The following PIK3AP1 variants were observed in gnomAD, a reference collection of about 807,000 sequenced individuals.
PIK3AP1 encodes the protein phosphoinositide-3-kinase adaptor protein 1.
Under a neutral mutation model 88.1 loss-of-function variants are expected in PIK3AP1, and 21 were observed. The observed-to-expected ratio is 0.24, with a 90% CI of 0.17 to 0.34. PIK3AP1 has a LOEUF of 0.34. Ranked by LOEUF, PIK3AP1 falls within the 10% of genes least tolerant of loss-of-function variation. The pLI, the probability that PIK3AP1 is intolerant of heterozygous loss-of-function variation, is 1.00. For synonymous variants in PIK3AP1, 398 were observed against 400.0 expected (o/e 1.00, Z 0.06); for missense variants, 828 against 1,035.7 (o/e 0.80, Z 2.75).
At chr10:96,635,625 A>G (rs1286845006) in intron 8 of PIK3AP1, among the ~76,000 whole-genome samples, 1 of 152,152 alleles carries the variant, frequency 6.6e-6, no homozygotes, top group Non-Finnish European at 1.5e-5. Flanking sequence ...AGTATTTATT[A>G]CAGGTGCGCT....
intron 2 of PIK3AP1, among the ~76,000 whole-genome samples, chr10:96,687,373 T>C (rs1246718531): frequency 6.6e-6 from 1 of 151,982 alleles, no homozygotes; most frequent in East Asian, 1.9e-4. Context: ...GGTGGGTGTT[T>C]GATAAATAGT....
intron 2 of PIK3AP1, among the ~76,000 whole-genome samples, chr10:96,709,131 C>CAAAAAAA (rs113424134): frequency 1.3e-5 from 1 of 79,634 alleles, no homozygotes; most frequent in African/African-American, 5.2e-5. Flanking sequence ...GACTCCGACT[C>CAAAAAAA]AAAAAAAAAA....
intron 8 of PIK3AP1, among the ~76,000 whole-genome samples, chr10:96,634,737 C>T (rs1046783956): frequency 6.6e-6 from 1 of 152,144 alleles, no homozygotes; most frequent in African/African-American, 2.4e-5. Context: ...TCTGTGGCTG[C>T]TATGACAAAT....
chr10:96,626,989 A>T, intron 9 of PIK3AP1, 84 bp from the exon 10 acceptor site: 1 of 1,339,966 alleles, frequency 7.5e-7, no homozygotes, highest in Non-Finnish European at 1.1e-6. Flanking sequence ...GAGGGACCTT[A>T]CTTTGTTTCC....
In PIK3AP1 at chr10:96,645,797, G is replaced by C. The variant is rs1018699435; in HGVS notation, c.1186-135C>G. The C allele has an allele frequency of 5.6e-6, 4 of 708,498 alleles. No individual in the cohort carries two copies. The African/African-American group carries it at 7.4e-5, about 13-fold the overall frequency. The allele number at this position is 708,498 out of a possible 1,614,324, so 43.9% of individuals were successfully genotyped here. A position where few individuals can be genotyped will look rare whatever the true frequency, so the allele number is the denominator to read the frequency against. On this transcript the variant is annotated intron_variant, in intron 7 of 16. Transcript: ENST00000339364. Reference sequence around the variant, plus strand: ...GGATTACAACTGGTTGTGTGTATTTGTATTTTCCCACCTGACTGAACGCTC... The same window carrying C: ...GGATTACAACTGGTTGTGTGTATTTCTATTTTCCCACCTGACTGAACGCTC...
At chr10:96,673,544 T>C (rs1843876589) in intron 2 of PIK3AP1, among the ~76,000 whole-genome samples, 1 of 152,168 alleles carries the variant, frequency 6.6e-6, no homozygotes, top group Non-Finnish European at 1.5e-5. Flanking sequence ...CAGACACTTA[T>C]AAATGTGCTT....
intron 2 of PIK3AP1, among the ~76,000 whole-genome samples, chr10:96,675,100 C>G (rs759973799): frequency 4.6e-5 from 7 of 152,114 alleles, no homozygotes; most frequent in Non-Finnish European, 1.0e-4. Context: ...ACCATGTTGA[C>G]CAGGCTGGCC....
chr10:96,637,651 A>G (rs1436411839), intron 8 of PIK3AP1, among the ~76,000 whole-genome samples: 4 of 152,108 alleles, frequency 2.6e-5, no homozygotes, highest in Non-Finnish European at 4.4e-5. Flanking sequence ...TGCGTGGCCT[A>G]TGATGGTCAA....
At chr10:96,647,806 T>G (rs1843480844) in intron 7 of PIK3AP1, among the ~76,000 whole-genome samples, 1 of 152,166 alleles carries the variant, frequency 6.6e-6, no homozygotes, top group Non-Finnish European at 1.5e-5. Flanking sequence ...TGCGAGAGGC[T>G]GAGCTATTCT....
At chr10:96,686,424 T>C (rs1040183599) in intron 2 of PIK3AP1, among the ~76,000 whole-genome samples, 4 of 152,310 alleles carry the variant, frequency 2.6e-5, no homozygotes, top group African/African-American at 9.6e-5. Context: ...GACAATTCGA[T>C]AAATGAGTTT....
chr10:96,665,659 T>A (rs1334456897), intron 2 of PIK3AP1, among the ~76,000 whole-genome samples: 1 of 152,200 alleles, frequency 6.6e-6, no homozygotes, highest in Admixed American at 6.5e-5. Context: ...ATTATATGAA[T>A]GACCACGTTA....
rs1326203831 is a variant in PIK3AP1, at chr10:96,594,038, AAAG to A, written c.*1536_*1538del. On this transcript the variant is annotated 3_prime_UTR_variant, in exon 17 of 17. Coordinates refer to ENST00000339364, the MANE Select transcript of PIK3AP1 (RefSeq NM_152309.3). This position sits in a 1 kb window ranked among gnomAD's most constrained non-coding sequence, Gnocchi z 4.6. ...AACAAACACATTTTGAATATTTTTT[AAAG>A]AAGTATTTCTGATTCTAATTTTACT... The A allele has an allele frequency of 6.6e-6, 1 of 152,226 alleles. No individual in the cohort carries two copies. Among genetic ancestry groups the A allele is most frequent in the Non-Finnish European group, 1.5e-5 (1 of 68,036 alleles). The allele number at this position is 152,226 out of a possible 1,614,324, so 9.4% of individuals were successfully genotyped here. A position where few individuals can be genotyped will look rare whatever the true frequency, so the allele number is the denominator to read the frequency against.
intron 2 of PIK3AP1, among the ~76,000 whole-genome samples, chr10:96,677,049 G>A (rs953575547): frequency 6.6e-6 from 1 of 152,056 alleles, no homozygotes; most frequent in Non-Finnish European, 1.5e-5. Context: ...CAGGAGCACC[G>A]AGCCCATCTC....
At position 96,616,566 on chromosome 10, in the gene PIK3AP1, G is replaced by A. The variant is rs1245428411; in HGVS notation, c.2014+73C>T. The A allele has an allele frequency of 5.2e-6, 8 of 1,533,636 alleles. No homozygotes were observed. In the Admixed American group the frequency reaches 1.2e-4, roughly 22 times the overall value. ...AAGTGGTCTGCCCACTCAGGCCACA[G>A]CCAAAAGGAGAGTCAAGGACAACAG... On this transcript the variant is annotated intron_variant, in intron 13 of 16. Coordinates refer to ENST00000339364, the MANE Select transcript of PIK3AP1 (RefSeq NM_152309.3).
Position 96,702,422 on chromosome 10 carries a change from C to T in PIK3AP1, c.430+7145G>A, listed in dbSNP as rs540945876. ...GCTGAGGCAGGAGAATCGCTTGAAC[C>T]GTGGAGGCAGAGGTTGCAGTGAGCC... On this transcript the variant is annotated intron_variant, in intron 2 of 16. Transcript: ENST00000339364. Among the ~76,000 whole-genome samples the T allele has an allele frequency of 2.5e-3, 372 of 151,064 alleles. 1 individual carries two copies. The highest frequency in any genetic ancestry group is 8.7e-3 in the African/African-American group (355 of 41,034).
intron 16 of PIK3AP1, among the ~76,000 whole-genome samples, chr10:96,596,142 C>T (rs1848749275): frequency 6.6e-6 from 1 of 152,190 alleles, no homozygotes; most frequent in Non-Finnish European, 1.5e-5. Flanking sequence ...CTCTATGGGG[C>T]TTTCACACTC....
At chr10:96,700,062 A>G (rs1386434736) in intron 2 of PIK3AP1, among the ~76,000 whole-genome samples, 1 of 152,236 alleles carries the variant, frequency 6.6e-6, no homozygotes, top group Non-Finnish European at 1.5e-5. Flanking sequence ...TAGAAAATTC[A>G]GACAGAGACA....
chr10:96,628,911 T>TATAG (rs1843198167), intron 8 of PIK3AP1, among the ~76,000 whole-genome samples: 1 of 3,178 alleles, frequency 3.1e-4, no homozygotes, highest in African/African-American at 4.1e-4. Context: ...TATATATGTG[T>TATAG]ATATATATAT....
chr10:96,623,671 G>A (rs557465064), intron 10 of PIK3AP1, 134 bp from the exon 11 acceptor site: 26 of 731,364 alleles, frequency 3.6e-5, no homozygotes, highest in African/African-American at 3.2e-4. Flanking sequence ...GGCAATTAAT[G>A]AGAAGGACTA....
Sources: gnomAD v4.1 joint callset for allele counts (sites outside exome capture counted in the v4.1 genomes callset) on GRCh38, gnomAD v4.1.1 for gene constraint, Gnocchi (gnomAD v3.1) non-coding constraint, MANE v1.5 for transcripts, NCBI Gene and HGNC (gene_info 2026-07-23, HGNC 2026-07-21) for gene names.